ACBD6: variants seen among roughly 807,000 people sequenced by gnomAD.
ACBD6 encodes acyl-CoA binding domain containing 6, also known as acyl-CoA-binding domain-containing protein 6.
A neutral mutation model predicts 37.2 loss-of-function variants in ACBD6; 28 were observed. That is an observed-to-expected ratio of 0.75 (90% CI 0.56 to 1.03). The LOEUF (loss-of-function observed/expected upper bound fraction) is 1.03, where lower values mean the gene tolerates loss of function less well. Ranked by LOEUF, ACBD6 falls within the 50% of genes least tolerant of loss-of-function variation. The probability of loss-of-function intolerance (pLI) is 0.00; values close to 1 mark genes in which losing one functional copy is unlikely to be tolerated. For missense variants in ACBD6, 340 were observed against 337.4 expected, an observed-to-expected ratio of 1.01 and a Z score of -0.06; for synonymous variants, 113 against 126.8, an observed-to-expected ratio of 0.89 and a Z score of 0.73.
chr1:180,402,776 C>T (rs1191143572), intron 5 of ACBD6, among the ~76,000 whole-genome samples: 1 of 148,138 alleles, frequency 6.8e-6, no homozygotes, highest in Non-Finnish European at 1.5e-5. Context: ...CCAGCCTACG[C>T]AACACAGTGA....
chr1:180,361,529 A>G (rs144818607), intron 6 of ACBD6, among the ~76,000 whole-genome samples: 378 of 152,336 alleles, frequency 2.5e-3, no homozygotes, highest in Non-Finnish European at 4.0e-3. Context: ...TAGTAATTCT[A>G]TAAGTGATGC....
intron 6 of ACBD6, among the ~76,000 whole-genome samples, chr1:180,327,202 A>T (rs1651287801): frequency 6.6e-6 from 1 of 152,172 alleles, no homozygotes; most frequent in Non-Finnish European, 1.5e-5. Context: ...TATCACTCGG[A>T]TGGACGATTA....
chr1:180,271,871 C>T (rs1252123946), exon 14 of ACBD6: 1 of 1,613,712 alleles, frequency 6.2e-7, no homozygotes. Context: ...AGAGAAACGC[C>T]TGAAGAAGGA....
chr1:180,274,962 G>A (rs557624416), exon 10 of ACBD6: 1 of 184,780 alleles, frequency 5.4e-6, no homozygotes, highest in African/African-American at 2.3e-5. Flanking sequence ...CTCACACAAT[G>A]CCTCCCAAAA....
intron 5 of ACBD6, 41 bp downstream of exon 5, chr1:180,413,325 C>T (rs992581453): frequency 6.7e-6 from 10 of 1,502,510 alleles, no homozygotes; most frequent in Non-Finnish European, 8.3e-6. Context: ...GGCAGAACAA[C>T]CATGCATAGG....
At chr1:180,395,830 G>A (rs1367605527) in intron 6 of ACBD6, among the ~76,000 whole-genome samples, 2 of 152,126 alleles carry the variant, frequency 1.3e-5, no homozygotes, top group African/African-American at 4.8e-5. Context: ...TGAAAGCAGG[G>A]ACTTGAACAG....
chr1:180,271,936 C>T, exon 14 of ACBD6: 1 of 1,613,240 alleles, frequency 6.2e-7, no homozygotes. Context: ...GGAGCCGGGG[C>T]AGCAGCAAGC....
At chr1:180,492,471 A>T in intron 2 of ACBD6, 106 bp from the exon 3 acceptor site, 1 of 849,412 alleles carries the variant, frequency 1.2e-6, no homozygotes, top group Non-Finnish European at 2.0e-6. Context: ...GTCTCTGAAT[A>T]TAGAGATAAT....
chr1:180,366,639 TAA>T (rs1307890001), intron 6 of ACBD6, among the ~76,000 whole-genome samples: 4 of 152,240 alleles, frequency 2.6e-5, no homozygotes, highest in Non-Finnish European at 5.9e-5. Flanking sequence ...TTCTCAGATA[TAA>T]ACTTAGCAAA....
At chr1:180,318,764 T>G (rs913528920) in intron 6 of ACBD6, among the ~76,000 whole-genome samples, 1 of 152,192 alleles carries the variant, frequency 6.6e-6, no homozygotes, top group Non-Finnish European at 1.5e-5. Flanking sequence ...CTGAGGGTGG[T>G]TGGTATTATT....
chr1:180,377,400 T>C (rs1256044786), intron 6 of ACBD6, among the ~76,000 whole-genome samples: 1 of 152,170 alleles, frequency 6.6e-6, no homozygotes, highest in Non-Finnish European at 1.5e-5. Context: ...ATTGAGCACA[T>C]CTAGTGTCCA....
chr1:180,495,355 G>C (rs1217028287), intron 2 of ACBD6, 106 bp downstream of exon 2: 2 of 795,136 alleles, frequency 2.5e-6, no homozygotes, highest in African/African-American at 3.5e-5. Flanking sequence ...ACAGCAGAGA[G>C]AGAGATTAAT....
chr1:180,390,206 C>T (rs560327602), intron 6 of ACBD6, among the ~76,000 whole-genome samples: 281 of 152,126 alleles, frequency 1.8e-3, no homozygotes, highest in African/African-American at 6.5e-3. Flanking sequence ...GATCCAGTTT[C>T]AGCTTTCTAC....
At chr1:180,412,332 T>C (rs12091722) in intron 5 of ACBD6, among the ~76,000 whole-genome samples, 19,896 of 152,144 alleles carry the variant, frequency 0.13, 1,901 homozygotes, top group East Asian at 0.36. Flanking sequence ...ACCTTTTGTA[T>C]AGGGAGCTCT....
intron 12 of ACBD6, chr1:180,272,696 C>T (rs2794964): frequency 0.057 from 8,753 of 152,284 alleles, 360 homozygotes; most frequent in Non-Finnish European, 0.079. Context: ...AGGTCTTCTG[C>T]GGAGGGGGAA....
At chr1:180,271,208 G>A (rs1648634093) in exon 14 of ACBD6, 1 of 723,030 alleles carries the variant, frequency 1.4e-6, no homozygotes. Context: ...CGTGGTGCAG[G>A]AGTCAGTGCC....
At chr1:180,447,091 G>C (rs1266228801) in intron 3 of ACBD6, among the ~76,000 whole-genome samples, 3 of 152,052 alleles carry the variant, frequency 2.0e-5, no homozygotes, top group African/African-American at 7.3e-5. Context: ...CAGTTCTCTA[G>C]AAATGTTGCA....
chr1:180,325,636 C>T (rs573829147), intron 6 of ACBD6, among the ~76,000 whole-genome samples: 101 of 152,162 alleles, frequency 6.6e-4, no homozygotes, highest in African/African-American at 7.9e-4. Flanking sequence ...TAGTCATTGG[C>T]GTTTAAACAT....
chr1:180,427,730 T>G (rs552921339), intron 4 of ACBD6, among the ~76,000 whole-genome samples: 1 of 152,116 alleles, frequency 6.6e-6, no homozygotes, highest in Admixed American at 6.5e-5. Flanking sequence ...GAGACCATCC[T>G]GGCTAATATG....
Sources: allele counts gnomAD v4.1 joint callset (sites outside exome capture counted in the v4.1 genomes callset), GRCh38; gene constraint gnomAD v4.1.1; transcripts MANE v1.5; gene names NCBI Gene and HGNC (gene_info 2026-07-23, HGNC 2026-07-21).